The following MAML2 variants were observed in gnomAD, a reference collection of about 807,000 sequenced individuals.
MAML2 encodes the protein mastermind like transcriptional coactivator 2, also known as mastermind-like protein 2.
A neutral mutation model predicts 96.1 loss-of-function variants in MAML2; 22 were observed. The ratio of observed to expected loss-of-function variants is 0.23; its 90% CI spans 0.16 to 0.33. The LOEUF is 0.33. Among genes scored for constraint, MAML2 ranks in the 10% least tolerant of loss-of-function variants. The probability of loss-of-function intolerance (pLI) is 1.00; values close to 1 mark genes in which losing one functional copy is unlikely to be tolerated. For missense variants in MAML2, 1,367 were observed against 1,392.4 expected, an observed-to-expected ratio of 0.98 and a Z score of 0.29; for synonymous variants, 561 against 521.3, an observed-to-expected ratio of 1.08 and a Z score of -1.04.
intron 2 of MAML2, among the ~76,000 whole-genome samples, chr11:96,084,762 C>G (rs1939479): frequency 0.49 from 73,770 of 151,976 alleles, 18,567 homozygotes; most frequent in Middle Eastern, 0.61. Context: ...CCAGAAAGTG[C>G]GATACACACA....
chr11:96,312,696 C>T (rs1375895823), intron 1 of MAML2, among the ~76,000 whole-genome samples: 2 of 152,022 alleles, frequency 1.3e-5, no homozygotes, highest in Non-Finnish European at 2.9e-5. Context: ...TAAAATTTAC[C>T]ATTTTAATCA....
chr11:96,144,784 A>G (rs896669333), intron 1 of MAML2, among the ~76,000 whole-genome samples: 4 of 152,248 alleles, frequency 2.6e-5, no homozygotes, highest in African/African-American at 9.6e-5. Flanking sequence ...GAGGCCAGAT[A>G]TATACCAAGT....
chr11:96,149,250 A>G (rs536562572), intron 1 of MAML2, among the ~76,000 whole-genome samples: 1 of 151,674 alleles, frequency 6.6e-6, no homozygotes, highest in African/African-American at 2.4e-5. Flanking sequence ...TGTCTCTACT[A>G]AAAATACAAA....
intron 2 of MAML2, among the ~76,000 whole-genome samples, chr11:96,078,950 C>T (rs1859491395): frequency 1.3e-5 from 2 of 152,328 alleles, no homozygotes; most frequent in African/African-American, 4.8e-5. Context: ...GTACAGCAAG[C>T]AGTAAGAAGT....
intron 1 of MAML2, among the ~76,000 whole-genome samples, chr11:96,215,719 C>T (rs1169502666): frequency 2.6e-5 from 4 of 152,126 alleles, no homozygotes; most frequent in Admixed American, 2.6e-4. Flanking sequence ...TGCAGCTGGG[C>T]AGAGCCCAGC....
At chr11:96,058,476 T>A (rs1202731468) in intron 2 of MAML2, among the ~76,000 whole-genome samples, 1 of 152,126 alleles carries the variant, frequency 6.6e-6, no homozygotes, top group East Asian at 1.9e-4. Context: ...TGCGCCACCA[T>A]GCCTGGCTAA....
chr11:96,256,833 A>T (rs371901913), intron 1 of MAML2, among the ~76,000 whole-genome samples: 1 of 152,170 alleles, frequency 6.6e-6, no homozygotes, highest in African/African-American at 2.4e-5. Context: ...ATCTGGTTTG[A>T]CTCTATCAAA....
intron 1 of MAML2, among the ~76,000 whole-genome samples, chr11:96,189,438 A>G (rs546660085): frequency 1.1e-4 from 16 of 152,342 alleles, no homozygotes; most frequent in South Asian, 6.2e-4. Context: ...TGAATTCTCC[A>G]TTTGAAATAC....
chr11:96,172,568 G>A (rs1181313704), intron 1 of MAML2, among the ~76,000 whole-genome samples: 1 of 152,236 alleles, frequency 6.6e-6, no homozygotes, highest in Admixed American at 6.5e-5. Context: ...GTAAGATTCA[G>A]TGTCTGCAGC....
In MAML2 at chr11:96,123,191, T is replaced by G. The variant is rs552367227; in HGVS notation, c.514-29674A>C. ...ATCCCCATCCTTCCACACCATTGAC[T>G]GCAGTCATAGCCAGCTCCTAAGCAG... On this transcript the variant is annotated intron_variant, in intron 1 of 4. Coordinates refer to ENST00000524717, the MANE Select transcript of MAML2 (RefSeq NM_032427.4). Among the ~76,000 whole-genome samples, 3 of 152,294 alleles carry G rather than the reference T, an allele frequency of 2.0e-5. No individual in the cohort carries two copies. The East Asian group carries it at 5.8e-4, about 29-fold the overall frequency.
At chr11:96,055,604 C>T (rs563029870) in intron 2 of MAML2, among the ~76,000 whole-genome samples, 4 of 152,310 alleles carry the variant, frequency 2.6e-5, no homozygotes, top group African/African-American at 9.6e-5. Flanking sequence ...AAAGCTCACA[C>T]ATGAATACAC....
chr11:96,262,810 T>C (rs1028934368), intron 1 of MAML2, among the ~76,000 whole-genome samples: 1 of 152,258 alleles, frequency 6.6e-6, no homozygotes, highest in Non-Finnish European at 1.5e-5. Flanking sequence ...AATGGCAAGC[T>C]TGTAGATAAA....
chr11:95,978,983 T>C lies in MAML2; in HGVS notation c.3436A>G (p.Ile1146Val). The change falls in exon 5 of 5, where the codon ATC (isoleucine) becomes GTC (valine). Residue 1146 changes from isoleucine to valine, a missense_variant. Coordinates refer to ENST00000524717, the MANE Select transcript of MAML2 (RefSeq NM_032427.4). ...EPGNDDWMKD[I>V]NLDEILGNNS ...TTCCCCAAGATTTCATCAAGATTGATGTCTTTCATCCAGTCATCATTACCA... is the reference window on the plus strand; with the variant it reads ...TTCCCCAAGATTTCATCAAGATTGACGTCTTTCATCCAGTCATCATTACCA... The C allele has an allele frequency of 6.2e-7, 1 of 1,611,538 alleles. No homozygotes were observed. The highest frequency in any genetic ancestry group is 1.7e-5 in the Admixed American group (1 of 59,496).
intron 1 of MAML2, among the ~76,000 whole-genome samples, chr11:96,291,345 C>G (rs555601693): frequency 6.6e-6 from 1 of 151,990 alleles, no homozygotes; most frequent in East Asian, 1.9e-4. Flanking sequence ...AGGCTAGTCT[C>G]AAACCCCTGA....
intron 4 of MAML2, among the ~76,000 whole-genome samples, chr11:95,982,201 G>C (rs563417999): frequency 4.7e-4 from 72 of 152,326 alleles, no homozygotes; most frequent in African/African-American, 1.7e-3. Flanking sequence ...TTGAGTGTCA[G>C]CAGTTGGATG....
At chr11:96,250,670 C>G (rs1257290287) in intron 1 of MAML2, among the ~76,000 whole-genome samples, 2 of 152,176 alleles carry the variant, frequency 1.3e-5, no homozygotes, top group Non-Finnish European at 2.9e-5. Flanking sequence ...CTACTATCAC[C>G]TTCTCTTCTG....
At chr11:96,149,553 G>A (rs1156889579) in intron 1 of MAML2, among the ~76,000 whole-genome samples, 1 of 151,908 alleles carries the variant, frequency 6.6e-6, no homozygotes, top group Non-Finnish European at 1.5e-5. Context: ...CCCACATGGT[G>A]AATCCCCATC....
intron 1 of MAML2, among the ~76,000 whole-genome samples, chr11:96,255,201 T>C (rs1204917740): frequency 6.6e-6 from 1 of 152,244 alleles, no homozygotes; most frequent in Non-Finnish European, 1.5e-5. Flanking sequence ...ACCTTCTCAC[T>C]GTGCTAAGGA....
Position 96,245,830 on chromosome 11 carries a change from G to A in MAML2, c.513+95553C>T, listed in dbSNP as rs181985560. On this transcript the variant is annotated intron_variant, in intron 1 of 4. Transcript: ENST00000524717. ...AGCAATTCTCCTGCCTCAGCCTCCT[G>A]AGTAGCTGGGATTACAGGTGTGCGC... Among the ~76,000 whole-genome samples, 13 of 151,654 alleles carry A rather than the reference G, an allele frequency of 8.6e-5. No homozygotes were observed. The East Asian group carries it at 1.9e-3, about 23-fold the overall frequency.
Sources: allele counts gnomAD v4.1 joint callset (sites outside exome capture counted in the v4.1 genomes callset), GRCh38; gene constraint gnomAD v4.1.1; transcripts MANE v1.5; gene names NCBI Gene and HGNC (gene_info 2026-07-23, HGNC 2026-07-21).